ELP4: variants seen among roughly 807,000 people sequenced by gnomAD.
The protein encoded by ELP4 is elongator acetyltransferase complex subunit 4, also known as elongator complex protein 4.
In ELP4, 51 loss-of-function variants were observed where a neutral mutation model predicts 48.9. The observed-to-expected ratio is 1.04, with a 90% CI of 0.83 to 1.32. The LOEUF (loss-of-function observed/expected upper bound fraction) is 1.32. Ranked by LOEUF, ELP4 falls within the 40% of genes most tolerant of loss-of-function variation. The pLI is 0.00. For missense variants in ELP4, 519 were observed against 514.6 expected, an observed-to-expected ratio of 1.01 and a Z score of -0.08; for synonymous variants, 210 against 189.2, an observed-to-expected ratio of 1.11 and a Z score of -0.90.
chr11:31,707,136 A>G, intron 9 of ELP4: 1 of 396,014 alleles, frequency 2.5e-6, no homozygotes, highest in Non-Finnish European at 4.5e-6. Flanking sequence ...TTTCATTTGC[A>G]GTTTCTTGAG....
intron 3 of ELP4, among the ~76,000 whole-genome samples, chr11:31,563,925 G>T (rs1261934523): frequency 6.6e-6 from 1 of 152,162 alleles, no homozygotes; most frequent in Non-Finnish European, 1.5e-5. Context: ...TGTAAGGGAG[G>T]ATGTTATCTG....
At chr11:31,574,635 T>C (rs1957241328) in intron 3 of ELP4, among the ~76,000 whole-genome samples, 1 of 152,178 alleles carries the variant, frequency 6.6e-6, no homozygotes, top group Non-Finnish European at 1.5e-5. Flanking sequence ...CAATATTTGC[T>C]GTTCTACAGC....
chr11:31,659,476 C>T (rs903585875), intron 9 of ELP4, among the ~76,000 whole-genome samples: 1 of 152,066 alleles, frequency 6.6e-6, no homozygotes, highest in Non-Finnish European at 1.5e-5. Context: ...ATATATTGCA[C>T]TCATTCAAAA....
At chr11:31,745,471 T>C (rs1479264512) in intron 9 of ELP4, among the ~76,000 whole-genome samples, 2 of 152,248 alleles carry the variant, frequency 1.3e-5, no homozygotes, top group East Asian at 3.9e-4. Context: ...GGAGGCATCA[T>C]GCTACCTGAC....
chr11:31,512,891 T>C lies in ELP4; in HGVS notation c.223+2884T>C, dbSNP rs180785457. The stretch of plus-strand genomic sequence containing the variant: ...CTAACCTGGAAGAATTAACCACAAC[T>C]TCATCCTCCAGAAAAATGCTTAAAG... On this transcript the variant is annotated intron_variant, in intron 1 of 9. Coordinates refer to ENST00000640961, the MANE Select transcript of ELP4 (RefSeq NM_019040.5). 6.7e-5 allele frequency among the ~76,000 whole-genome samples: 10 copies of C among 148,288 alleles called. No homozygotes were observed. In the East Asian group the frequency reaches 1.6e-3, roughly 24 times the overall value.
intron 5 of ELP4, among the ~76,000 whole-genome samples, chr11:31,616,898 A>C (rs1277741556): frequency 1.3e-5 from 2 of 152,106 alleles, no homozygotes; most frequent in African/African-American, 2.4e-5. Context: ...AAAATGAAAA[A>C]TAGGAAAGGA....
At chr11:31,675,885 A>G (rs1033532102) in intron 9 of ELP4, among the ~76,000 whole-genome samples, 3 of 152,004 alleles carry the variant, frequency 2.0e-5, no homozygotes, top group Non-Finnish European at 4.4e-5. Flanking sequence ...ACCACCTCCA[A>G]TGCTACCACT....
intron 2 of ELP4, among the ~76,000 whole-genome samples, chr11:31,523,717 A>C (rs1336141962): frequency 6.6e-6 from 1 of 151,376 alleles, no homozygotes; most frequent in Non-Finnish European, 1.5e-5. Context: ...AATTAATAAA[A>C]TCAAAAATTG....
intron 9 of ELP4, chr11:31,707,150 C>T (rs991311047): frequency 1.5e-4 from 60 of 394,318 alleles, no homozygotes; most frequent in Admixed American, 6.2e-4. Context: ...TCTTGAGAAC[C>T]CTTCATACTA....
At position 31,544,835 on chromosome 11, in the gene ELP4, C is replaced by T. The variant is rs1185536039; in HGVS notation, c.381+5052C>T. Among the ~76,000 whole-genome samples, 6 of 152,260 alleles carry T rather than the reference C, an allele frequency of 3.9e-5. No individual in the cohort carries two copies. In the East Asian group the frequency reaches 9.7e-4, roughly 25 times the overall value. On this transcript the variant is annotated intron_variant, in intron 3 of 9. Coordinates refer to ENST00000640961, the MANE Select transcript of ELP4 (RefSeq NM_019040.5). Reference sequence around the variant, plus strand: ...AGAGGAACGATCAGACAGCAGCATTCGCGGTTCACGAAAAACCACTGTTCT... The same window carrying T: ...AGAGGAACGATCAGACAGCAGCATTTGCGGTTCACGAAAAACCACTGTTCT...
intron 3 of ELP4, among the ~76,000 whole-genome samples, chr11:31,548,177 G>A (rs1956770562): frequency 6.6e-6 from 1 of 152,134 alleles, no homozygotes; most frequent in Non-Finnish European, 1.5e-5. Flanking sequence ...ATTCAATTAG[G>A]AAAAGAGGAA....
chr11:31,510,345 G>T (rs1419418818), intron 1 of ELP4: 2 of 485,182 alleles, frequency 4.1e-6, no homozygotes, highest in South Asian at 4.5e-5. Flanking sequence ...TTTCATTCAG[G>T]ATACCTCCCT....
intron 1 of ELP4, chr11:31,511,377 T>C (rs193192834): frequency 1.2e-4 from 19 of 152,296 alleles, no homozygotes; most frequent in Admixed American, 1.2e-3. Flanking sequence ...ACTAAAACTT[T>C]CCAAACAAAA....
At chr11:31,561,983 A>G (rs1030958606) in intron 3 of ELP4, among the ~76,000 whole-genome samples, 1 of 152,144 alleles carries the variant, frequency 6.6e-6, no homozygotes, top group African/African-American at 2.4e-5. Context: ...AACTCCTTTT[A>G]AGTCAGTGCC....
chr11:31,685,930 T>TAA (rs58204467), intron 9 of ELP4, among the ~76,000 whole-genome samples: 8 of 142,790 alleles, frequency 5.6e-5, no homozygotes, highest in East Asian at 2.0e-4. Flanking sequence ...GACTCCATCT[T>TAA]AAAAAAAAAA....
chr11:31,745,352 G>A lies in ELP4; in HGVS notation c.1144-38041G>A, dbSNP rs561341578. Among the ~76,000 whole-genome samples, 1,234 of 152,208 alleles carry A rather than the reference G, an allele frequency of 8.1e-3. 16 individuals carry two copies. Among genetic ancestry groups the A allele is most frequent in the African/African-American group, 0.029 (1,190 of 41,518 alleles). Reference sequence around the variant, plus strand: ...ATAGATTCAATGCCATCCCCATCAAGCTACCAATGACTTTCTTCACAGAAT... The same window carrying A: ...ATAGATTCAATGCCATCCCCATCAAACTACCAATGACTTTCTTCACAGAAT... On this transcript the variant is annotated intron_variant, in intron 9 of 9. Coordinates refer to ENST00000640961, the MANE Select transcript of ELP4 (RefSeq NM_019040.5).
chr11:31,521,479 A>C (rs1459795959), intron 2 of ELP4, among the ~76,000 whole-genome samples: 1 of 151,468 alleles, frequency 6.6e-6, no homozygotes, highest in Non-Finnish European at 1.5e-5. Flanking sequence ...TATGCTCTAA[A>C]GTTTTCTCAC....
chr11:31,754,451 G>A (rs749309430), intron 9 of ELP4, among the ~76,000 whole-genome samples: 36 of 151,954 alleles, frequency 2.4e-4, no homozygotes, highest in Non-Finnish European at 4.6e-4. Context: ...TGCACCTACT[G>A]TACCCTATAG....
chr11:31,719,698 AT>A (rs1254223040), intron 9 of ELP4: 3 of 375,274 alleles, frequency 8.0e-6, no homozygotes, highest in Non-Finnish European at 1.4e-5. Flanking sequence ...CATTAAACCT[AT>A]TTTTTAAAAA....
Sources: gnomAD v4.1 joint callset for allele counts (sites outside exome capture counted in the v4.1 genomes callset) on GRCh38, gnomAD v4.1.1 for gene constraint, MANE v1.5 for transcripts, NCBI Gene and HGNC (gene_info 2026-07-23, HGNC 2026-07-21) for gene names.